The following NREP variants were observed in gnomAD, a reference collection of about 807,000 sequenced individuals.
NREP encodes neuronal regeneration-related protein.
In NREP, 5 loss-of-function variants were observed where a neutral mutation model predicts 8.6. The ratio of observed to expected loss-of-function variants is 0.58; its 90% confidence interval spans 0.30 to 1.22. NREP has a LOEUF of 1.22. NREP is among the 50% of genes most tolerant of loss of function. The probability of loss-of-function intolerance (pLI) is 0.07; values close to 1 mark genes in which losing one functional copy is unlikely to be tolerated. For missense variants in NREP, 86 were observed against 82.5 expected (o/e 1.04, Z -0.17); for synonymous variants, 27 against 28.0 (o/e 0.96, Z 0.11).
chr5:111,758,299 C>G (rs1423542070), upstream of NREP: 7 of 975,408 alleles, frequency 7.2e-6, no homozygotes, highest in Non-Finnish European at 8.5e-6. Context: ...AGACATACTC[C>G]CCTGGTGCTT....
chr5:111,802,600 C>T (rs1298125642), intron 2 of NREP, among the ~76,000 whole-genome samples: 1 of 152,082 alleles, frequency 6.6e-6, no homozygotes. Flanking sequence ...TAAAAAACAA[C>T]AAACTGATGG....
intron 2 of NREP, among the ~76,000 whole-genome samples, chr5:111,818,646 T>C (rs940536973): frequency 6.6e-6 from 1 of 152,218 alleles, no homozygotes; most frequent in Non-Finnish European, 1.5e-5. Flanking sequence ...CTCTGAAGTA[T>C]TTGAAACAAC....
intron 2 of NREP, among the ~76,000 whole-genome samples, chr5:111,948,612 T>C (rs1348558014): frequency 2.0e-5 from 3 of 152,004 alleles, no homozygotes; most frequent in African/African-American, 4.8e-5. Context: ...CAAAAGTGAG[T>C]TGGTTGTCCA....
intron 2 of NREP, among the ~76,000 whole-genome samples, chr5:111,926,405 G>A (rs778488123): frequency 1.3e-5 from 2 of 152,198 alleles, no homozygotes; most frequent in Non-Finnish European, 2.9e-5. Context: ...AAAAGAGCTG[G>A]GTCGATTGTG....
intron 2 of NREP, among the ~76,000 whole-genome samples, chr5:111,854,718 GAAT>G (rs905852781): frequency 1.3e-4 from 20 of 152,178 alleles, no homozygotes; most frequent in Admixed American, 1.1e-3. Flanking sequence ...ACATGAAAAT[GAAT>G]AATAAAACAT....
intron 2 of NREP, among the ~76,000 whole-genome samples, chr5:111,778,998 T>C (rs1269546672): frequency 6.6e-6 from 1 of 152,162 alleles, no homozygotes; most frequent in African/African-American, 2.4e-5. Context: ...TACGTTGCAA[T>C]CATACTTTAT....
chr5:111,767,923 C>G lies in NREP; in HGVS notation c.136-32416G>C, dbSNP rs1362336958. ...CAAGTGATCCTCCTGCCTCGGCCTC[C>G]TAAAGTGCTGGGATTCTAAGTGTGA... On this transcript the variant is annotated intron_variant, in intron 2 of 3. Transcript: ENST00000395634. Among the ~76,000 whole-genome samples the G allele has an allele frequency of 2.0e-5, 3 of 152,178 alleles. No homozygotes were observed. In the East Asian group the frequency reaches 5.8e-4, roughly 29 times the overall value.
intron 2 of NREP, among the ~76,000 whole-genome samples, chr5:111,878,493 A>G (rs1008048607): frequency 1.3e-5 from 2 of 152,170 alleles, no homozygotes; most frequent in South Asian, 2.1e-4. Context: ...CCATGATTCA[A>G]TCACCTCCCA....
chr5:111,923,564 T>C (rs1755303997), intron 2 of NREP, among the ~76,000 whole-genome samples: 1 of 152,160 alleles, frequency 6.6e-6, no homozygotes, highest in African/African-American at 2.4e-5. Flanking sequence ...AAGACAGCAA[T>C]TCTGCCACAT....
downstream of NREP, chr5:111,729,167 G>A (rs1324608772): frequency 6.6e-6 from 1 of 152,188 alleles, no homozygotes; most frequent in East Asian, 1.9e-4. Flanking sequence ...GAAAGGCAGA[G>A]CTGATTCTCT....
chr5:111,741,780 G>A (rs1376114048), intron 2 of NREP, among the ~76,000 whole-genome samples: 1 of 151,432 alleles, frequency 6.6e-6, no homozygotes, highest in Non-Finnish European at 1.5e-5. Context: ...ATTCTGGCTT[G>A]GGGGCTAAAC....
chr5:111,843,053 T>A (rs1581159161), intron 2 of NREP, among the ~76,000 whole-genome samples: 1 of 152,160 alleles, frequency 6.6e-6, no homozygotes, highest in East Asian at 1.9e-4. Flanking sequence ...TATTTTTGAT[T>A]ATTTGGGATC....
chr5:111,870,023 C>T (rs981698788), intron 2 of NREP, among the ~76,000 whole-genome samples: 1 of 152,214 alleles, frequency 6.6e-6, no homozygotes, highest in African/African-American at 2.4e-5. Context: ...AACTTCAACT[C>T]TCCAGGTAGA....
intron 2 of NREP, among the ~76,000 whole-genome samples, chr5:111,860,186 G>A (rs1026315638): frequency 1.3e-5 from 2 of 152,142 alleles, no homozygotes; most frequent in African/African-American, 4.8e-5. Context: ...GTGAGTATGT[G>A]TACTTGGGGA....
intron 2 of NREP, among the ~76,000 whole-genome samples, chr5:111,771,611 A>C (rs562583319): frequency 2.6e-5 from 4 of 152,030 alleles, no homozygotes; most frequent in African/African-American, 9.7e-5. Context: ...AAAAATACAA[A>C]AATTAGCTGG....
chr5:111,926,078 A>G lies in NREP; in HGVS notation c.135+49196T>C, dbSNP rs375951664. ...GGGCTAGATTTTGGAAAGCCTCTAT[A>G]TAACTGCTGGGGTCATTAGAGAACC... On this transcript the variant is annotated intron_variant, in intron 2 of 3. Transcript: ENST00000395634. 3.3e-5 allele frequency among the ~76,000 whole-genome samples: 5 copies of G among 152,250 alleles called. No individual in the cohort carries two copies. In the East Asian group the frequency reaches 7.7e-4, roughly 24 times the overall value.
At chr5:111,796,953 A>C (rs1000942730) in intron 2 of NREP, among the ~76,000 whole-genome samples, 1 of 152,156 alleles carries the variant, frequency 6.6e-6, no homozygotes, top group African/African-American at 2.4e-5. Context: ...TGATAATAAA[A>C]GGAAAATCTG....
chr5:111,853,031 A>G (rs1190007047), intron 2 of NREP, among the ~76,000 whole-genome samples: 1 of 152,114 alleles, frequency 6.6e-6, no homozygotes, highest in East Asian at 1.9e-4. Context: ...GAAGCACTCT[A>G]TATATCCTGG....
At chr5:111,938,408 C>T (rs557142236) in intron 2 of NREP, among the ~76,000 whole-genome samples, 14 of 152,176 alleles carry the variant, frequency 9.2e-5, no homozygotes, top group African/African-American at 3.1e-4. Context: ...TATTTTATTT[C>T]ATGATAAGAG....
Sources: gnomAD v4.1 joint callset for allele counts (sites outside exome capture counted in the v4.1 genomes callset) on GRCh38, gnomAD v4.1.1 for gene constraint, MANE v1.5 for transcripts, NCBI Gene and HGNC (gene_info 2026-07-23, HGNC 2026-07-21) for gene names.